PCID2: variants seen among roughly 807,000 people sequenced by gnomAD.
The protein encoded by PCID2 is PCI domain containing 2.
In PCID2, 41 loss-of-function variants were observed where a neutral mutation model predicts 61.3. The ratio of observed to expected loss-of-function variants is 0.67; its 90% CI spans 0.52 to 0.87. PCID2 has a LOEUF of 0.87. Among genes scored for constraint, PCID2 ranks in the 40% least tolerant of loss-of-function variants. The pLI is 0.00. For synonymous variants in PCID2, 187 were observed against 177.8 expected (o/e 1.05, Z -0.41); for missense variants, 392 against 493.4 (o/e 0.79, Z 1.95).
downstream of PCID2, among the ~76,000 whole-genome samples, chr13:113,177,001 T>C (rs751071023): frequency 6.6e-6 from 1 of 152,174 alleles, no homozygotes; most frequent in Non-Finnish European, 1.5e-5. Flanking sequence ...TGGCCCAACT[T>C]AGCGACTGTC....
At chr13:113,171,640 C>G in the PCID2 span, 1 of 1,614,144 alleles carries the variant, frequency 6.2e-7, no homozygotes, top group Middle Eastern at 1.6e-4. This position sits in a 1 kb window ranked among gnomAD's most constrained non-coding sequence, Gnocchi z 5.1. Context: ...AGATAACGCA[C>G]GTCCATGTGC....
chr13:113,200,979 A>G (rs1271854828), intron 1 of PCID2, among the ~76,000 whole-genome samples: 4 of 152,198 alleles, frequency 2.6e-5, no homozygotes, highest in African/African-American at 7.2e-5. Flanking sequence ...GCAAATAAAA[A>G]TAAGTCAGTG....
At chr13:113,195,646 G>A (rs1255539597) in intron 5 of PCID2, among the ~76,000 whole-genome samples, 2 of 151,284 alleles carry the variant, frequency 1.3e-5, no homozygotes, top group African/African-American at 4.9e-5. Context: ...CAGCCTCGGC[G>A]ACTGAGCAAG....
intron 2 of PCID2, 124 bp from the exon 3 acceptor site, chr13:113,198,388 T>G (rs1013109218): frequency 6.4e-6 from 4 of 628,156 alleles, no homozygotes; most frequent in Non-Finnish European, 8.3e-6. Context: ...CAGTAACACT[T>G]TATATTTACC....
downstream of PCID2, among the ~76,000 whole-genome samples, chr13:113,174,545 G>A (rs2037160781): frequency 6.6e-6 from 1 of 152,104 alleles, no homozygotes. Flanking sequence ...CCCAAGGCTG[G>A]AGTGCAGGGC....
intron 9 of PCID2, chr13:113,183,697 G>A (rs991054110): frequency 1.8e-5 from 16 of 901,348 alleles, no homozygotes; most frequent in Non-Finnish European, 2.1e-5. Flanking sequence ...TCTGGTTTGA[G>A]CACAAGAGAA....
the PCID2 span, chr13:113,165,219 A>C: frequency 7.8e-7 from 1 of 1,289,340 alleles, no homozygotes; most frequent in Non-Finnish European, 1.1e-6. Flanking sequence ...TGAATCAGGC[A>C]TCCTGACTTT....
chr13:113,177,062 C>A (rs1436927829), downstream of PCID2, among the ~76,000 whole-genome samples: 2 of 152,242 alleles, frequency 1.3e-5, no homozygotes, highest in East Asian at 3.8e-4. Flanking sequence ...CATGCCTCAG[C>A]GTCCACGCAG....
chr13:113,172,353 T>C, the PCID2 span: 1 of 541,532 alleles, frequency 1.8e-6, no homozygotes, highest in East Asian at 3.3e-5. Context: ...ATACGTTAAA[T>C]AATAAAATAA....
chr13:113,187,822 A>G (rs899601183), intron 7 of PCID2: 17 of 152,200 alleles, frequency 1.1e-4, no homozygotes, highest in Admixed American at 6.5e-4. Flanking sequence ...TTTGAAGTCT[A>G]AAGTTTTTAA....
chr13:113,168,382 G>A, the PCID2 span, among the ~76,000 whole-genome samples: 1 of 152,144 alleles, frequency 6.6e-6, no homozygotes, highest in South Asian at 2.1e-4. Flanking sequence ...TTTGTCTGGA[G>A]GAGTCTTTGT....
At chr13:113,184,536 G>A in intron 8 of PCID2, 49 bp from the exon 9 acceptor site, 1 of 1,154,672 alleles carries the variant, frequency 8.7e-7, no homozygotes, top group Non-Finnish European at 1.3e-6. Context: ...AACAAAAACA[G>A]GTGGCAAAAC....
chr13:113,171,947 ATGCAC>A, the PCID2 span: 1 of 1,613,676 alleles, frequency 6.2e-7, no homozygotes, highest in Non-Finnish European at 8.5e-7. This position sits in a 1 kb window ranked among gnomAD's most constrained non-coding sequence, Gnocchi z 5.1. Flanking sequence ...CGTGGCGGCC[ATGCAC>A]TGGATGGATG....
chr13:113,183,599 C>A (rs2037837371), intron 9 of PCID2: 1 of 179,028 alleles, frequency 5.6e-6, no homozygotes, highest in Non-Finnish European at 1.1e-5. Context: ...TATGAAAGGG[C>A]TATTATTTAT....
intron 1 of PCID2, among the ~76,000 whole-genome samples, chr13:113,204,925 A>T (rs1182669532): frequency 6.6e-6 from 1 of 152,038 alleles, no homozygotes; most frequent in African/African-American, 2.4e-5. Context: ...GCACCTTCTG[A>T]GCGGCACCCC....
At chr13:113,173,805 T>C (rs1425593605), downstream of PCID2, among the ~76,000 whole-genome samples, 2 of 152,220 alleles carry the variant, frequency 1.3e-5, no homozygotes, top group African/African-American at 4.8e-5. Context: ...TTTAAATGCC[T>C]ACTAATGATT....
chr13:113,203,447 A>T (rs1461620808), intron 1 of PCID2, among the ~76,000 whole-genome samples: 2 of 152,222 alleles, frequency 1.3e-5, no homozygotes, highest in African/African-American at 2.4e-5. Flanking sequence ...ATTTCATCTA[A>T]AAGGTAGACA....
chr13:113,178,463 G>C, intron 13 of PCID2, 176 bp from the exon 14 acceptor site: 1 of 524,578 alleles, frequency 1.9e-6, no homozygotes, highest in South Asian at 2.0e-5. Flanking sequence ...TCCACGGTGG[G>C]TTTCATATCC....
chr13:113,176,547 A>AAGAGGAAGAGAGCTGGGTGTG (rs1566935006), downstream of PCID2, among the ~76,000 whole-genome samples: 2 of 4,952 alleles, frequency 4.0e-4, no homozygotes, highest in Non-Finnish European at 3.4e-3. Context: ...GAATTGCTTT[A>AAGAGGAAGAGAGCTGGGTGTG]GCCCAGGCGT....
Sources: gnomAD v4.1 joint callset for allele counts (sites outside exome capture counted in the v4.1 genomes callset) on GRCh38, gnomAD v4.1.1 for gene constraint, Gnocchi (gnomAD v3.1) non-coding constraint, MANE v1.5 for transcripts, NCBI Gene and HGNC (gene_info 2026-07-23, HGNC 2026-07-21) for gene names.